The following GPC5 variants were observed in gnomAD, a reference collection of about 807,000 sequenced individuals.
GPC5 encodes the protein glypican 5.
In GPC5, 47 loss-of-function variants were observed where a neutral mutation model predicts 53.9. That is an observed-to-expected ratio of 0.87 (90% CI 0.69 to 1.11). The LOEUF (loss-of-function observed/expected upper bound fraction) is 1.11. GPC5 is among the 50% of genes most tolerant of loss of function. GPC5 has a pLI of 0.00. For synonymous variants in GPC5, 286 were observed against 263.3 expected (o/e 1.09, Z -0.84); for missense variants, 748 against 713.1 (o/e 1.05, Z -0.56).
intron 6 of GPC5, among the ~76,000 whole-genome samples, chr13:92,082,476 G>A (rs2041303898): frequency 6.6e-6 from 1 of 152,090 alleles, no homozygotes; most frequent in African/African-American, 2.4e-5. Context: ...AAGTTGAGGT[G>A]TGTATTAAAT....
At chr13:91,774,586 T>A (rs927967857) in intron 5 of GPC5, among the ~76,000 whole-genome samples, 1 of 152,060 alleles carries the variant, frequency 6.6e-6, no homozygotes, top group African/African-American at 2.4e-5. Context: ...ATCTCCACTC[T>A]CCCCTTGACC....
chr13:91,825,341 TA>T (rs765064523), intron 5 of GPC5, among the ~76,000 whole-genome samples: 43 of 152,292 alleles, frequency 2.8e-4, no homozygotes, highest in South Asian at 4.1e-4. Flanking sequence ...TCTTCAGGAT[TA>T]AATGAAATTA....
intron 7 of GPC5, among the ~76,000 whole-genome samples, chr13:92,314,512 T>C (rs944821379): frequency 2.6e-5 from 4 of 152,238 alleles, no homozygotes; most frequent in Non-Finnish European, 5.9e-5. Flanking sequence ...CACTTATCTG[T>C]TTTCTTTGAT....
At chr13:92,694,156 G>A (rs1156760220) in intron 7 of GPC5, among the ~76,000 whole-genome samples, 1 of 152,224 alleles carries the variant, frequency 6.6e-6, no homozygotes, top group East Asian at 1.9e-4. Flanking sequence ...AAGGATGTAT[G>A]GAAATGCCTG....
At chr13:92,631,754 T>C (rs1054829541) in intron 7 of GPC5, among the ~76,000 whole-genome samples, 13 of 152,130 alleles carry the variant, frequency 8.5e-5, no homozygotes, top group Non-Finnish European at 1.9e-4. Flanking sequence ...TTTGGGGGTG[T>C]CAATATGATG....
Position 92,613,082 on chromosome 13 carries a change from G to A in GPC5, c.1562-253200G>A, listed in dbSNP as rs189706964. ...GACATCTAACTTTACCTAAATGATC[G>A]AGACTTTGATTAAGGAAGGCTTTAT... is the stretch of plus-strand genomic sequence containing the variant. On this transcript the variant is annotated intron_variant, in intron 7 of 7. Coordinates refer to ENST00000377067, the MANE Select transcript of GPC5 (RefSeq NM_004466.6). Among the ~76,000 whole-genome samples the A allele has an allele frequency of 9.0e-4, 136 of 150,482 alleles. 1 individual carries two copies. Among genetic ancestry groups the A allele is most frequent in the Non-Finnish European group, 1.5e-3 (105 of 67,746 alleles).
At chr13:91,437,993 G>A (rs896090399) in intron 1 of GPC5, among the ~76,000 whole-genome samples, 7 of 151,952 alleles carry the variant, frequency 4.6e-5, no homozygotes, top group African/African-American at 7.3e-5. Flanking sequence ...CGTAGTTCTC[G>A]TGCCTTGGTT....
intron 2 of GPC5, among the ~76,000 whole-genome samples, chr13:91,521,997 T>G (rs932325982): frequency 6.6e-6 from 1 of 152,128 alleles, no homozygotes; most frequent in Non-Finnish European, 1.5e-5. Flanking sequence ...TTACAAAGAG[T>G]ATACATGAAG....
chr13:91,569,429 A>G (rs2031683109), intron 2 of GPC5, among the ~76,000 whole-genome samples: 1 of 152,138 alleles, frequency 6.6e-6, no homozygotes, highest in African/African-American at 2.4e-5. Context: ...TTAAAAATAC[A>G]GATATACTCT....
intron 5 of GPC5, among the ~76,000 whole-genome samples, chr13:91,777,785 C>T (rs990456795): frequency 6.6e-6 from 1 of 151,998 alleles, no homozygotes; most frequent in Admixed American, 6.6e-5. Context: ...CCTCAACATT[C>T]TGAGTTTTCT....
At chr13:91,995,296 C>G (rs573691355) in intron 6 of GPC5, 1 of 152,176 alleles carries the variant, frequency 6.6e-6, no homozygotes, top group South Asian at 2.1e-4. Flanking sequence ...TTTTAAATGA[C>G]TTGACTGACT....
At chr13:92,820,860 C>G (rs1361826884) in intron 7 of GPC5, among the ~76,000 whole-genome samples, 4 of 152,158 alleles carry the variant, frequency 2.6e-5, no homozygotes, top group African/African-American at 9.7e-5. Flanking sequence ...ATTCTCATTA[C>G]TTTCCTATTA....
intron 6 of GPC5, among the ~76,000 whole-genome samples, chr13:91,930,138 A>G (rs2039807871): frequency 6.6e-6 from 1 of 152,090 alleles, no homozygotes; most frequent in Non-Finnish European, 1.5e-5. Flanking sequence ...ATCATAGGTC[A>G]TGCACGAGGC....
intron 7 of GPC5, among the ~76,000 whole-genome samples, chr13:92,426,110 C>A (rs1457482504): frequency 6.6e-6 from 1 of 152,014 alleles, no homozygotes; most frequent in Non-Finnish European, 1.5e-5. Flanking sequence ...TTTGACATAC[C>A]AAGGTTCACA....
chr13:92,453,369 A>C (rs768855868), intron 7 of GPC5, among the ~76,000 whole-genome samples: 2 of 152,000 alleles, frequency 1.3e-5, no homozygotes, highest in African/African-American at 2.4e-5. Flanking sequence ...CATGTAGGGT[A>C]CTTCTCGGTT....
intron 6 of GPC5, among the ~76,000 whole-genome samples, chr13:92,081,859 A>G (rs1432172945): frequency 6.6e-6 from 1 of 152,218 alleles, no homozygotes; most frequent in Non-Finnish European, 1.5e-5. Flanking sequence ...CAGGAAGTAT[A>G]TAATGCGTAT....
intron 2 of GPC5, among the ~76,000 whole-genome samples, chr13:91,643,894 G>T (rs2034494203): frequency 1.3e-5 from 2 of 151,926 alleles, no homozygotes; most frequent in Non-Finnish European, 2.9e-5. Flanking sequence ...GACCCTGTTT[G>T]CAAAAAGGTC....
chr13:91,854,382 G>A (rs1010949348), intron 5 of GPC5, among the ~76,000 whole-genome samples: 1 of 151,708 alleles, frequency 6.6e-6, no homozygotes, highest in Non-Finnish European at 1.5e-5. Context: ...TTTATCGTTT[G>A]TGTTACAAAC....
intron 7 of GPC5, among the ~76,000 whole-genome samples, chr13:92,345,582 A>G (rs2043404451): frequency 6.6e-6 from 1 of 152,122 alleles, no homozygotes; most frequent in Non-Finnish European, 1.5e-5. Context: ...TGAGACACCC[A>G]CGTCATTTGT....
Sources: gnomAD v4.1 joint callset for allele counts (sites outside exome capture counted in the v4.1 genomes callset) on GRCh38, gnomAD v4.1.1 for gene constraint, MANE v1.5 for transcripts, NCBI Gene and HGNC (gene_info 2026-07-23, HGNC 2026-07-21) for gene names.